The following SLC39A11 variants were observed in gnomAD, a reference collection of about 807,000 sequenced individuals.
SLC39A11 encodes zinc transporter ZIP11.
In SLC39A11, 33 loss-of-function variants were observed where a neutral mutation model predicts 36.1. That is an observed-to-expected ratio of 0.91 (90% CI 0.69 to 1.22). The LOEUF (loss-of-function observed/expected upper bound fraction) is 1.22, where lower values mean the gene tolerates loss of function less well. Among genes scored for constraint, SLC39A11 ranks in the 50% most tolerant of loss-of-function variants. SLC39A11 has a pLI of 0.00. For missense variants in SLC39A11, 432 were observed against 430.3 expected (o/e 1.00, Z -0.03); for synonymous variants, 166 against 170.3 (o/e 0.97, Z 0.20).
chr17:72,994,673 C>CT (rs1568088067), intron 4 of SLC39A11, among the ~76,000 whole-genome samples: 1 of 152,204 alleles, frequency 6.6e-6, no homozygotes, highest in Non-Finnish European at 1.5e-5. Context: ...ATCCAGCCTA[C>CT]TTTAAGTAGA....
intron 6 of SLC39A11, among the ~76,000 whole-genome samples, chr17:72,846,352 C>T (rs948783578): frequency 2.0e-5 from 3 of 152,052 alleles, no homozygotes; most frequent in Admixed American, 2.0e-4. Context: ...TGAAAAAATA[C>T]TTTTGCATCA....
At chr17:72,774,271 G>C (rs1308279428) in intron 6 of SLC39A11, among the ~76,000 whole-genome samples, 1 of 152,190 alleles carries the variant, frequency 6.6e-6, no homozygotes, top group Non-Finnish European at 1.5e-5. Flanking sequence ...TGTCTAATGG[G>C]ACAGTGACCA....
chr17:72,940,157 G>A (rs770973015), intron 5 of SLC39A11, among the ~76,000 whole-genome samples: 2 of 152,164 alleles, frequency 1.3e-5, no homozygotes, highest in Admixed American at 6.5e-5. Context: ...TAACTGAGCC[G>A]ACTGTTTCAG....
chr17:72,897,052 C>CAAAA (rs10656675), intron 5 of SLC39A11, among the ~76,000 whole-genome samples: 905 of 63,834 alleles, frequency 0.014, 96 homozygotes, highest in African/African-American at 0.042. Flanking sequence ...GACTCTGTCT[C>CAAAA]AAAAAAAAAA....
At chr17:72,853,573 G>T (rs545584607) in intron 5 of SLC39A11, among the ~76,000 whole-genome samples, 8 of 152,094 alleles carry the variant, frequency 5.3e-5, no homozygotes, top group East Asian at 1.9e-4. Flanking sequence ...GGAGCATAAA[G>T]AATTCTTCAC....
intron 6 of SLC39A11, among the ~76,000 whole-genome samples, chr17:72,790,392 G>A (rs1027791441): frequency 6.6e-6 from 1 of 152,128 alleles, no homozygotes; most frequent in Non-Finnish European, 1.5e-5. Context: ...CACCCTTCTG[G>A]AATACAAAGA....
chr17:72,918,823 G>A (rs2083474278), intron 5 of SLC39A11, among the ~76,000 whole-genome samples: 2 of 152,142 alleles, frequency 1.3e-5, no homozygotes, highest in South Asian at 2.1e-4. Flanking sequence ...CAGCACTTTG[G>A]GGGTTGAGGT....
At chr17:72,732,022 A>ATT (rs1555651308) in intron 7 of SLC39A11, among the ~76,000 whole-genome samples, 7 of 40,634 alleles carry the variant, frequency 1.7e-4, no homozygotes, top group Middle Eastern at 0.015. Flanking sequence ...TCTTTTCTTT[A>ATT]TTTTTTTCTT....
chr17:72,769,577 G>A (rs60141801), intron 6 of SLC39A11, among the ~76,000 whole-genome samples: 14,666 of 150,470 alleles, frequency 0.097, 684 homozygotes, highest in Middle Eastern at 0.15. Flanking sequence ...ATGGAGTTTC[G>A]CTCTGTTGCC....
At chr17:72,843,559 C>T (rs575271726) in intron 6 of SLC39A11, among the ~76,000 whole-genome samples, 8 of 152,198 alleles carry the variant, frequency 5.3e-5, no homozygotes, top group South Asian at 2.1e-4. Flanking sequence ...GAGGATACAA[C>T]GAGAAGACAG....
At chr17:72,984,548 C>A (rs916574677) in intron 4 of SLC39A11, among the ~76,000 whole-genome samples, 1 of 152,168 alleles carries the variant, frequency 6.6e-6, no homozygotes, top group Non-Finnish European at 1.5e-5. Context: ...GTCCCCAAGG[C>A]CAGCAGCATC....
chr17:72,820,395 T>C (rs1388829397), intron 6 of SLC39A11, among the ~76,000 whole-genome samples: 1 of 151,180 alleles, frequency 6.6e-6, no homozygotes, highest in South Asian at 2.1e-4. Flanking sequence ...AAGAGCATCT[T>C]TAAGGCCTTC....
intron 7 of SLC39A11, among the ~76,000 whole-genome samples, chr17:72,730,993 C>G (rs2074193797): frequency 6.6e-6 from 1 of 152,156 alleles, no homozygotes; most frequent in Non-Finnish European, 1.5e-5. Flanking sequence ...CTCAGGTGAT[C>G]CGCCCGCCTC....
At chr17:72,920,619 T>TAC (rs146702114) in intron 5 of SLC39A11, among the ~76,000 whole-genome samples, 5 of 107,202 alleles carry the variant, frequency 4.7e-5, no homozygotes, top group East Asian at 6.3e-4. Flanking sequence ...CTACACCCCA[T>TAC]ACACACACAC....
At chr17:73,015,969 A>C (rs2058150744) in intron 4 of SLC39A11, among the ~76,000 whole-genome samples, 1 of 152,210 alleles carries the variant, frequency 6.6e-6, no homozygotes, top group African/African-American at 2.4e-5. Context: ...AAGGTCAACG[A>C]GTCCAAAGAG....
In SLC39A11 at chr17:72,671,100, A is replaced by G. The variant is rs116259531; in HGVS notation, c.672-21832T>C. Among the ~76,000 whole-genome samples, 264 of 152,286 alleles carry G rather than the reference A, an allele frequency of 1.7e-3. 1 individual carries two copies. The highest frequency in any genetic ancestry group is 5.9e-3 in the African/African-American group (245 of 41,552). ...ATAAGGACTGTCTCAAGGGCTTTCTAAAATAACCCTACAAGAGATCCCCTC... is the reference window on the plus strand; with the variant it reads ...ATAAGGACTGTCTCAAGGGCTTTCTGAAATAACCCTACAAGAGATCCCCTC... On this transcript the variant is annotated intron_variant, in intron 7 of 9. Transcript: ENST00000255559.
At chr17:72,851,835 A>C (rs1443030100) in intron 5 of SLC39A11, among the ~76,000 whole-genome samples, 1 of 152,200 alleles carries the variant, frequency 6.6e-6, no homozygotes, top group Non-Finnish European at 1.5e-5. Flanking sequence ...TCTAGTTTTG[A>C]ATGCTGCCTA....
intron 3 of SLC39A11, among the ~76,000 whole-genome samples, chr17:73,050,306 G>A (rs1599029043): frequency 9.3e-6 from 1 of 107,574 alleles, no homozygotes; most frequent in South Asian, 3.5e-4. Flanking sequence ...GTCAGAACAA[G>A]TTTGGTCTGT....
chr17:72,756,626 G>A (rs1441720947), intron 6 of SLC39A11, among the ~76,000 whole-genome samples: 1 of 152,224 alleles, frequency 6.6e-6, no homozygotes, highest in Admixed American at 6.5e-5. Context: ...GAAGCTGGGG[G>A]AAGTGGGCAT....
Sources: allele counts gnomAD v4.1 joint callset (sites outside exome capture counted in the v4.1 genomes callset), GRCh38; gene constraint gnomAD v4.1.1; transcripts MANE v1.5; gene names NCBI Gene and HGNC (gene_info 2026-07-23, HGNC 2026-07-21).